The following BFSP2 variants were observed in gnomAD, a reference collection of about 807,000 sequenced individuals.
BFSP2 encodes the protein beaded filament structural protein 2.
Under a neutral mutation model 44.9 loss-of-function variants are expected in BFSP2, and 38 were observed. That is an observed-to-expected ratio of 0.85 (90% CI 0.65 to 1.11). The LOEUF is 1.11. Ranked by LOEUF, BFSP2 falls within the 50% of genes least tolerant of loss-of-function variation. BFSP2 has a pLI of 0.00. For synonymous variants in BFSP2, 197 were observed against 209.9 expected (o/e 0.94, Z 0.53); for missense variants, 525 against 533.0 (o/e 0.99, Z 0.15).
intron 1 of BFSP2, among the ~76,000 whole-genome samples, chr3:133,435,153 A>G: frequency 6.6e-6 from 1 of 152,192 alleles, no homozygotes; most frequent in Non-Finnish European, 1.5e-5. Flanking sequence ...TTTTCTACTG[A>G]AACTCTTGCA....
intron 1 of BFSP2, among the ~76,000 whole-genome samples, chr3:133,428,116 C>T (rs1466992635): frequency 6.6e-6 from 1 of 152,184 alleles, no homozygotes; most frequent in African/African-American, 2.4e-5. Flanking sequence ...AAGCTCAAAA[C>T]AGTTTGACCT....
At chr3:133,426,702 T>A (rs529011054) in intron 1 of BFSP2, among the ~76,000 whole-genome samples, 2 of 152,308 alleles carry the variant, frequency 1.3e-5, no homozygotes, top group African/African-American at 4.8e-5. Context: ...ATAAAATTTC[T>A]GAGTTGAGGA....
chr3:133,455,057 A>G (rs1167898963), intron 4 of BFSP2, among the ~76,000 whole-genome samples: 4 of 152,224 alleles, frequency 2.6e-5, no homozygotes, highest in African/African-American at 9.6e-5. Flanking sequence ...AGCTCCTGTA[A>G]CAACAATGCC....
intron 4 of BFSP2, among the ~76,000 whole-genome samples, chr3:133,465,063 T>G (rs2107939120): frequency 6.7e-6 from 1 of 149,994 alleles, no homozygotes; most frequent in South Asian, 2.1e-4. Flanking sequence ...TGGAGTGCAG[T>G]GGTGCCATCT....
At chr3:133,464,563 T>C (rs886220371) in intron 4 of BFSP2, among the ~76,000 whole-genome samples, 1 of 152,258 alleles carries the variant, frequency 6.6e-6, no homozygotes, top group Admixed American at 6.5e-5. Flanking sequence ...TATTTGACTC[T>C]TCATAGTAGC....
intron 1 of BFSP2, among the ~76,000 whole-genome samples, chr3:133,413,468 A>T (rs1414111957): frequency 2.0e-5 from 3 of 152,164 alleles, no homozygotes; most frequent in Non-Finnish European, 4.4e-5. Flanking sequence ...TGCTGAGGAC[A>T]AATGTGGTGG....
intron 5 of BFSP2, 141 bp downstream of exon 5, chr3:133,467,100 T>C (rs968594725): frequency 2.5e-6 from 3 of 1,182,626 alleles, no homozygotes; most frequent in African/African-American, 3.0e-5. Flanking sequence ...GTCTTCTGAC[T>C]CCCAAGGATC....
At chr3:133,423,610 A>G (rs548662714) in intron 1 of BFSP2, among the ~76,000 whole-genome samples, 1 of 151,874 alleles carries the variant, frequency 6.6e-6, no homozygotes, top group African/African-American at 2.4e-5. Flanking sequence ...TTACACAGGG[A>G]TGGTCCCGCT....
At chr3:133,403,315 A>G (rs979325609) in intron 1 of BFSP2, among the ~76,000 whole-genome samples, 2 of 152,106 alleles carry the variant, frequency 1.3e-5, no homozygotes, top group African/African-American at 4.8e-5. Context: ...TGCTCCTCAC[A>G]GCACTCCTTA....
At chr3:133,436,155 T>C (rs2073779300) in intron 1 of BFSP2, among the ~76,000 whole-genome samples, 1 of 151,894 alleles carries the variant, frequency 6.6e-6, no homozygotes, top group South Asian at 2.1e-4. Context: ...CTTGAGGCCA[T>C]TGCTACTAAA....
rs559872846 is a variant in BFSP2, at chr3:133,432,321, G to A, written c.490-14996G>A. 4.6e-4 allele frequency among the ~76,000 whole-genome samples: 70 copies of A among 152,154 alleles called. No homozygotes were observed. In the South Asian group the frequency reaches 9.1e-3, roughly 20 times the overall value. ...TGGTGCCCAACCGGTACACCCTTTCGTCCTCAATACCTTCCTCCACAACTC... is the reference window on the plus strand; with the variant it reads ...TGGTGCCCAACCGGTACACCCTTTCATCCTCAATACCTTCCTCCACAACTC... On this transcript the variant is annotated intron_variant, in intron 1 of 6. Coordinates refer to ENST00000302334, the MANE Select transcript of BFSP2 (RefSeq NM_003571.4).
At chr3:133,402,454 C>T (rs891050373) in intron 1 of BFSP2, among the ~76,000 whole-genome samples, 5 of 152,112 alleles carry the variant, frequency 3.3e-5, no homozygotes, top group Admixed American at 6.5e-5. Flanking sequence ...CCTGTGAGAG[C>T]ACCACAGCCA....
intron 5 of BFSP2, among the ~76,000 whole-genome samples, chr3:133,469,419 G>C (rs918383843): frequency 1.3e-5 from 2 of 152,224 alleles, no homozygotes; most frequent in Admixed American, 1.3e-4. Flanking sequence ...TTGCCAATAA[G>C]GCACTATTTG....
chr3:133,435,999 T>C (rs902521959), intron 1 of BFSP2, among the ~76,000 whole-genome samples: 11 of 152,216 alleles, frequency 7.2e-5, no homozygotes, highest in Non-Finnish European at 1.2e-4. Context: ...TCTTAGTGCC[T>C]CTTATATCTG....
chr3:133,467,050 G>T, intron 5 of BFSP2, 91 bp downstream of exon 5: 1 of 1,543,946 alleles, frequency 6.5e-7, no homozygotes, highest in South Asian at 1.1e-5. Context: ...GTTTCCAGGG[G>T]ATTCCCATCT....
intron 1 of BFSP2, among the ~76,000 whole-genome samples, chr3:133,424,177 C>A (rs2073620343): frequency 7.0e-6 from 1 of 142,586 alleles, no homozygotes; most frequent in Non-Finnish European, 1.5e-5. Flanking sequence ...TCAGAAGTAG[C>A]TGGGATTACA....
rs369202812 is a variant in BFSP2 at position 133,400,305 on chromosome 3, C to T, written c.222C>T (p.Thr74=). The T allele has an allele frequency of 1.2e-6, 2 of 1,613,894 alleles. No homozygotes were observed. The highest frequency in any genetic ancestry group is 2.2e-5 in the South Asian group (2 of 91,086). The change falls in exon 1 of 7, where the codon ACC becomes ACT. Residue 74 remains threonine (T), a synonymous_variant. Transcript: ENST00000302334. This position sits in a 1 kb window ranked among gnomAD's most constrained non-coding sequence, Gnocchi z 4.0. ...GCIGGLGARV[T]RRALGISSVF... ...TAGGTGGCTTGGGTGCCCGTGTGAC[C>T]CGCCGGGCCCTCGGCATCAGCAGTG...
intron 1 of BFSP2, among the ~76,000 whole-genome samples, chr3:133,441,410 G>A (rs990039080): frequency 6.6e-6 from 1 of 152,084 alleles, no homozygotes; most frequent in African/African-American, 2.4e-5. Context: ...TTGTCCCCAG[G>A]TAACAACTAT....
rs957147351 is a variant in BFSP2, at chr3:133,436,768, A to C, written c.490-10549A>C. On this transcript the variant is annotated intron_variant, in intron 1 of 6. Coordinates refer to ENST00000302334, the MANE Select transcript of BFSP2 (RefSeq NM_003571.4). ...TATCCCTCCCCGCTTCCCCCACCCC[A>C]CTACAGGCCCTGGTGTGTGATGTTC... 9.4e-4 allele frequency among the ~76,000 whole-genome samples: 142 copies of C among 151,752 alleles called. 1 individual carries two copies. The highest frequency in any genetic ancestry group is 3.4e-3 in the African/African-American group (141 of 41,236).
Sources: allele counts gnomAD v4.1 joint callset (sites outside exome capture counted in the v4.1 genomes callset), GRCh38; gene constraint gnomAD v4.1.1; non-coding constraint Gnocchi (gnomAD v3.1); transcripts MANE v1.5; gene names NCBI Gene and HGNC (gene_info 2026-07-23, HGNC 2026-07-21).